The following RGS6 variants were observed in gnomAD, a reference collection of about 807,000 sequenced individuals.
RGS6 encodes regulator of G-protein signaling 6.
In RGS6, 30 loss-of-function variants were observed where a neutral mutation model predicts 78.5. That is an observed-to-expected ratio of 0.38 (90% CI 0.29 to 0.52). RGS6 has a LOEUF of 0.52. Ranked by LOEUF, RGS6 falls within the 20% of genes least tolerant of loss-of-function variation. The pLI is 0.85. For synonymous variants in RGS6, 206 were observed against 206.0 expected, an observed-to-expected ratio of 1.00 and a Z score of 0.00; for missense variants, 495 against 609.7, an observed-to-expected ratio of 0.81 and a Z score of 1.98.
At chr14:72,046,587 C>A (rs1019605627) in intron 2 of RGS6, among the ~76,000 whole-genome samples, 4 of 151,628 alleles carry the variant, frequency 2.6e-5, no homozygotes, top group African/African-American at 9.7e-5. Context: ...TCCTCCCCTG[C>A]TCCTCTCCTC....
chr14:71,979,706 G>C (rs138615007), intron 2 of RGS6, among the ~76,000 whole-genome samples: 81 of 152,312 alleles, frequency 5.3e-4, no homozygotes, highest in African/African-American at 1.9e-3. Context: ...TTTTGGAATA[G>C]GTGTGATGTG....
chr14:72,562,366 T>A (rs1448604778), intron 17 of RGS6, 51 bp from the exon 18 acceptor site: 2 of 1,569,890 alleles, frequency 1.3e-6, no homozygotes, highest in Non-Finnish European at 1.7e-6. Context: ...TCTGTCTCTG[T>A]CCCTCTGTGT....
intron 2 of RGS6, among the ~76,000 whole-genome samples, chr14:72,001,157 C>T (rs2083346539): frequency 6.6e-6 from 1 of 152,128 alleles, no homozygotes; most frequent in East Asian, 1.9e-4. Context: ...AGTTGTTAAG[C>T]AACTGCTCGC....
chr14:71,947,008 T>G (rs1023496495), intron 1 of RGS6, among the ~76,000 whole-genome samples: 1 of 152,220 alleles, frequency 6.6e-6, no homozygotes, highest in Admixed American at 6.5e-5. Context: ...GTAAGAGCAG[T>G]GTGCCACAGT....
At chr14:72,570,137 TAAC>T (rs1470263228), downstream of RGS6, among the ~76,000 whole-genome samples, 4 of 152,156 alleles carry the variant, frequency 2.6e-5, no homozygotes, top group Admixed American at 2.0e-4. Flanking sequence ...AATTAAAAAA[TAAC>T]AACAGTAAAA....
At chr14:72,005,467 A>ATCTATCTATCTG (rs1555428453) in intron 2 of RGS6, among the ~76,000 whole-genome samples, 114 of 151,290 alleles carry the variant, frequency 7.5e-4, no homozygotes, top group African/African-American at 2.4e-3. Flanking sequence ...CTATCTATCT[A>ATCTATCTATCTG]TATCTCCCTA....
intron 15 of RGS6, 22 bp downstream of exon 15, chr14:72,518,559 G>A: frequency 6.2e-7 from 1 of 1,610,444 alleles, no homozygotes; most frequent in Non-Finnish European, 8.5e-7. Context: ...TACTCAAGTG[G>A]TTGTCATAAG....
chr14:72,036,873 GTTATAAAAATTTTATAATTTTATATTTT>G (rs2091790619), intron 2 of RGS6, among the ~76,000 whole-genome samples: 1 of 151,986 alleles, frequency 6.6e-6, no homozygotes, highest in African/African-American at 2.4e-5. Flanking sequence ...TACCCCTTTA[GTTATAAAAATTTTATAATTTTATATTTT>G]ACATTTAAAT....
chr14:72,022,463 G>C (rs1318439523), intron 2 of RGS6: 2 of 152,146 alleles, frequency 1.3e-5, no homozygotes, highest in Admixed American at 1.3e-4. Flanking sequence ...CAAGGAGTTT[G>C]ATCTGTAACT....
At chr14:72,440,322 C>T (rs1341564593) in intron 3 of RGS6, among the ~76,000 whole-genome samples, 3 of 152,044 alleles carry the variant, frequency 2.0e-5, no homozygotes, top group East Asian at 1.9e-4. Flanking sequence ...TGCTTCTGTC[C>T]GACTACTGCA....
At chr14:72,472,720 T>G (rs951536820) in intron 8 of RGS6, 152 bp from the exon 9 acceptor site, 21 of 543,926 alleles carry the variant, frequency 3.9e-5, no homozygotes, top group Non-Finnish European at 4.4e-5. Flanking sequence ...TACACCCCTA[T>G]TTCACAGCTC....
chr14:72,478,314 C>T lies in RGS6; in HGVS notation c.839C>T (p.Ser280Phe), dbSNP rs2096287653. 5.6e-6 allele frequency: 9 copies of T among 1,609,928 alleles called. No homozygotes were observed. Among genetic ancestry groups the T allele is most frequent in the Non-Finnish European group, 7.6e-6 (9 of 1,176,498 alleles). ...AQIDRHCLKM[S>F]KVAESLIAYT... ...ATCGACAGACATTGTTTGAAAATGT[C>T]CAAAGTGGCTGAAAGGTATGTTTTC... The change falls in exon 12 of 18, where the codon TCC becomes TTC. Residue 280 changes from serine to phenylalanine, a missense_variant. Coordinates refer to ENST00000553525, the MANE Select transcript of RGS6 (RefSeq NM_001204424.2).
intron 3 of RGS6, among the ~76,000 whole-genome samples, chr14:72,365,879 A>G (rs2082354497): frequency 6.6e-6 from 1 of 152,160 alleles, no homozygotes; most frequent in African/African-American, 2.4e-5. Flanking sequence ...GAGAGAAGAC[A>G]CAAGATCAGT....
intron 2 of RGS6, among the ~76,000 whole-genome samples, chr14:72,348,217 G>A (rs1020494996): frequency 6.6e-6 from 1 of 152,156 alleles, no homozygotes; most frequent in Non-Finnish European, 1.5e-5. Context: ...AATAGAAGAT[G>A]AACTTTAGAT....
intron 2 of RGS6, among the ~76,000 whole-genome samples, chr14:72,301,389 A>G (rs2066017222): frequency 6.6e-6 from 1 of 152,186 alleles, no homozygotes; most frequent in South Asian, 2.1e-4. Context: ...ACGTATCATC[A>G]GTGAAGTATG....
chr14:72,222,303 C>T (rs2047060611), intron 2 of RGS6, among the ~76,000 whole-genome samples: 1 of 152,246 alleles, frequency 6.6e-6, no homozygotes, highest in African/African-American at 2.4e-5. Context: ...AGGTAAATGG[C>T]ATCCTGCCCA....
At chr14:72,234,511 C>T (rs1280491289) in intron 2 of RGS6, among the ~76,000 whole-genome samples, 2 of 152,242 alleles carry the variant, frequency 1.3e-5, no homozygotes, top group Non-Finnish European at 1.5e-5. Context: ...AAATTAAGAT[C>T]AGAAGGTTGC....
downstream of RGS6, among the ~76,000 whole-genome samples, chr14:72,570,565 C>A (rs1196957769): frequency 1.3e-5 from 2 of 152,226 alleles, no homozygotes; most frequent in African/African-American, 4.8e-5. Flanking sequence ...GTGCTTGGTG[C>A]AACTCCAGGT....
chr14:72,091,197 G>A (rs1199065123), intron 2 of RGS6, among the ~76,000 whole-genome samples: 5 of 152,044 alleles, frequency 3.3e-5, no homozygotes, highest in Non-Finnish European at 7.4e-5. Flanking sequence ...CCCACTCCCC[G>A]CTGCCTGCTG....
Sources: gnomAD v4.1 joint callset for allele counts (sites outside exome capture counted in the v4.1 genomes callset) on GRCh38, gnomAD v4.1.1 for gene constraint, MANE v1.5 for transcripts, NCBI Gene and HGNC (gene_info 2026-07-23, HGNC 2026-07-21) for gene names.